Variants in MTHFS observed in about 807,000 individuals in gnomAD.
MTHFS encodes 5-formyltetrahydrofolate cyclo-ligase.
Under a neutral mutation model 12.7 loss-of-function variants are expected in MTHFS, and 7 were observed. The ratio of observed to expected loss-of-function variants is 0.55; its 90% confidence interval spans 0.31 to 1.03. MTHFS has a LOEUF of 1.03. MTHFS is among the 50% of genes least tolerant of loss of function. MTHFS has a pLI of 0.05. For missense variants in MTHFS, 252 were observed against 258.1 expected, an observed-to-expected ratio of 0.98 and a Z score of 0.16; for synonymous variants, 100 against 97.1, an observed-to-expected ratio of 1.03 and a Z score of -0.18.
At chr15:79,869,743 G>A (rs920564814) in intron 2 of MTHFS, among the ~76,000 whole-genome samples, 1 of 152,066 alleles carries the variant, frequency 6.6e-6, no homozygotes, top group Non-Finnish European at 1.5e-5. Context: ...TCACTTAACA[G>A]ATTTTTTTAA....
At chr15:79,881,899 T>A (rs549140097) in intron 2 of MTHFS, among the ~76,000 whole-genome samples, 20 of 152,330 alleles carry the variant, frequency 1.3e-4, no homozygotes, top group Admixed American at 1.0e-3. Context: ...GTTGCAGTTA[T>A]CCTATCTGAA....
Position 79,889,360 on chromosome 15 carries a change from T to C in MTHFS, c.118-6A>G, listed in dbSNP as rs753576152. On this transcript the variant is annotated splice_region_variant and splice_polypyrimidine_tract_variant and intron_variant, in intron 1 of 2. Transcript: ENST00000258874. Reference sequence around the variant, plus strand: ...TACTCACTGTGGGCAATCACCTAAATGGGAAATTATGGCAATTATATTTTC... The same window carrying C: ...TACTCACTGTGGGCAATCACCTAAACGGGAAATTATGGCAATTATATTTTC... The C allele has an allele frequency of 2.5e-6, 4 of 1,609,972 alleles. No homozygotes were observed. Among genetic ancestry groups the C allele is most frequent in the South Asian group, 2.2e-5 (2 of 90,890 alleles).
chr15:79,864,303 G>A (rs1395980366), intron 2 of MTHFS, among the ~76,000 whole-genome samples: 1 of 152,106 alleles, frequency 6.6e-6, no homozygotes, highest in African/African-American at 2.4e-5. Flanking sequence ...CCAGCACTCT[G>A]GGAGGCTGAG....
intron 2 of MTHFS, among the ~76,000 whole-genome samples, chr15:79,874,706 T>C (rs376542654): frequency 6.6e-6 from 1 of 152,130 alleles, no homozygotes; most frequent in South Asian, 2.1e-4. Context: ...TGAGGAGCCT[T>C]TGAAAAGCTC....
intron 2 of MTHFS, among the ~76,000 whole-genome samples, chr15:79,872,681 T>C (rs1258202335): frequency 6.6e-6 from 1 of 152,230 alleles, no homozygotes; most frequent in East Asian, 1.9e-4. Context: ...TTCCAGGTTG[T>C]TGCCATGGAA....
At chr15:79,864,920 G>T (rs944484493) in intron 2 of MTHFS, among the ~76,000 whole-genome samples, 1 of 151,802 alleles carries the variant, frequency 6.6e-6, no homozygotes, top group Non-Finnish European at 1.5e-5. Flanking sequence ...GCTGGCATTT[G>T]CAGTTTTTTA....
In MTHFS at chr15:79,857,215, C is replaced by G. The variant is rs1019387181; in HGVS notation, c.380-11773G>C. 9.9e-5 allele frequency among the ~76,000 whole-genome samples: 15 copies of G among 152,176 alleles called. No individual in the cohort carries two copies. The East Asian group carries it at 2.9e-3, about 29-fold the overall frequency. On this transcript the variant is annotated intron_variant, in intron 2 of 2. Transcript: ENST00000258874. Reference sequence around the variant, plus strand: ...GTTTCATCATGTTGGCCAGGCTGGTCTCGAACTCCTGATCCTCAGGTGATC... The same window carrying G: ...GTTTCATCATGTTGGCCAGGCTGGTGTCGAACTCCTGATCCTCAGGTGATC...
rs1313684801 is a variant in MTHFS, at chr15:79,845,385, A to G, written c.437T>C (p.Leu146Pro). The change falls in exon 3 of 3, where the codon CTG (leucine) becomes CCG (proline). Residue 146 changes from leucine (L) to proline (P), a missense_variant. By Grantham distance (98) the Leu-to-Pro change is moderately conservative. Coordinates refer to ENST00000258874, the MANE Select transcript of MTHFS (RefSeq NM_006441.4). ...GLGFDKHGNR[L>P]GRGKGYYDAY... ...ATCATAGTAGCCCTTGCCCCTCCCC[A>G]GTCGGTTGCCATGTTTGTCAAACCC... is the stretch of plus-strand genomic sequence containing the variant. 2 of 1,614,176 alleles carry G rather than the reference A, an allele frequency of 1.2e-6. No individual in the cohort carries two copies. Among genetic ancestry groups the G allele is most frequent in the Middle Eastern group, 1.6e-4 (1 of 6,062 alleles).
At chr15:79,878,063 G>C (rs1463221973) in intron 2 of MTHFS, 1 of 152,068 alleles carries the variant, frequency 6.6e-6, no homozygotes, top group Non-Finnish European at 1.5e-5. Context: ...TCACAGGAAA[G>C]AATGAAGAAC....
intron 2 of MTHFS, among the ~76,000 whole-genome samples, chr15:79,851,308 G>A (rs1415866928): frequency 1.3e-5 from 2 of 152,156 alleles, no homozygotes; most frequent in South Asian, 2.1e-4. Flanking sequence ...TTCCTTCTAG[G>A]AACAGAGCTT....
At position 79,844,562 on chromosome 15, in the gene MTHFS, T is replaced by C. The variant is rs999876662; in HGVS notation, c.*648A>G. ...AAACCATGAGTAAACAGAAATAATT[T>C]CTAACTTATAAGATACTAGATCTTA... On this transcript the variant is annotated 3_prime_UTR_variant, in exon 3 of 3. Coordinates refer to ENST00000258874, the MANE Select transcript of MTHFS (RefSeq NM_006441.4). 6.6e-6 allele frequency among the ~76,000 whole-genome samples: 1 copy of C among 152,092 alleles called. No individual in the cohort carries two copies. The highest frequency in any genetic ancestry group is 2.4e-5 in the African/African-American group (1 of 41,394).
intron 2 of MTHFS, 141 bp from the exon 3 acceptor site, chr15:79,845,583 A>C (rs1301591032): frequency 8.4e-7 from 1 of 1,196,814 alleles, no homozygotes; most frequent in Non-Finnish European, 1.1e-6. Flanking sequence ...CAAAAAGCAC[A>C]GAGTTGGACA....
At chr15:79,879,387 G>T (rs2034258337) in intron 2 of MTHFS, among the ~76,000 whole-genome samples, 1 of 139,290 alleles carries the variant, frequency 7.2e-6, no homozygotes, top group Admixed American at 7.6e-5. Flanking sequence ...GAGTCCAATG[G>T]TGTGATCTTG....
At position 79,848,148 on chromosome 15, in the gene MTHFS, A is replaced by G. The variant is rs1030055285; in HGVS notation, c.380-2706T>C. 9.2e-5 allele frequency among the ~76,000 whole-genome samples: 14 copies of G among 152,366 alleles called. 1 individual carries two copies. The highest frequency in any genetic ancestry group is 1.9e-4 in the African/African-American group (8 of 41,590). On this transcript the variant is annotated intron_variant, in intron 2 of 2. Coordinates refer to ENST00000258874, the MANE Select transcript of MTHFS (RefSeq NM_006441.4). Reference sequence around the variant, plus strand: ...AAACCAAATGTGGTACATACATTCAATGAATATTATTCAGCCATATCAAAG... The same window carrying G: ...AAACCAAATGTGGTACATACATTCAGTGAATATTATTCAGCCATATCAAAG...
intron 2 of MTHFS, among the ~76,000 whole-genome samples, chr15:79,879,251 G>A (rs2034253765): frequency 6.6e-6 from 1 of 151,272 alleles, no homozygotes; most frequent in South Asian, 2.1e-4. Context: ...TGGAGGGTCT[G>A]CCTGCAGGCC....
chr15:79,847,981 C>T (rs2033649254), intron 2 of MTHFS, among the ~76,000 whole-genome samples: 1 of 152,142 alleles, frequency 6.6e-6, no homozygotes, highest in Admixed American at 6.5e-5. Flanking sequence ...TACCATATGG[C>T]CCAGCAATCC....
At chr15:79,860,709 C>G (rs1201168260) in intron 2 of MTHFS, among the ~76,000 whole-genome samples, 1 of 151,648 alleles carries the variant, frequency 6.6e-6, no homozygotes, top group Non-Finnish European at 1.5e-5. Flanking sequence ...AAAACAAAAC[C>G]AGAAATACTG....
rs2033560624 is a variant in MTHFS at position 79,843,757 on chromosome 15, T to A, written c.*1453A>T. On this transcript the variant is annotated 3_prime_UTR_variant, in exon 3 of 3. Coordinates refer to ENST00000258874, the MANE Select transcript of MTHFS (RefSeq NM_006441.4). ...CTTCTTTTCTTTGGAGCTCACAGTA[T>A]GGTGAAGGGGACAGATATGACAACA... 1 of 152,192 alleles carries A rather than the reference T, an allele frequency of 6.6e-6. No homozygotes were observed. The highest frequency in any genetic ancestry group is 2.4e-5 in the African/African-American group (1 of 41,444). The allele number at this position is 152,192 out of a possible 1,614,324, so 9.4% of individuals were successfully genotyped here. A position where few individuals can be genotyped will look rare whatever the true frequency, so the allele number is the denominator to read the frequency against.
chr15:79,892,650 C>T (rs1177907337), intron 1 of MTHFS, among the ~76,000 whole-genome samples: 1 of 152,094 alleles, frequency 6.6e-6, no homozygotes, highest in African/African-American at 2.4e-5. Context: ...ACAATGAATA[C>T]CATCTACAGA....
Sources: allele counts gnomAD v4.1 joint callset (sites outside exome capture counted in the v4.1 genomes callset), GRCh38; gene constraint gnomAD v4.1.1; transcripts MANE v1.5; gene names NCBI Gene and HGNC (gene_info 2026-07-23, HGNC 2026-07-21).